Variants in PDCD6IP observed in about 807,000 individuals in gnomAD.
The protein encoded by PDCD6IP is programmed cell death 6-interacting protein.
In PDCD6IP, 43 loss-of-function variants were observed where a neutral mutation model predicts 103.7. The ratio of observed to expected loss-of-function variants is 0.41; its 90% CI spans 0.32 to 0.53. The LOEUF is 0.53. PDCD6IP is among the 20% of genes least tolerant of loss of function. PDCD6IP has a pLI of 0.16. For synonymous variants in PDCD6IP, 354 were observed against 378.7 expected, an observed-to-expected ratio of 0.93 and a Z score of 0.76; for missense variants, 871 against 1,036.7, an observed-to-expected ratio of 0.84 and a Z score of 2.20.
chr3:33,836,650 G>C (rs1697355585), intron 8 of PDCD6IP, among the ~76,000 whole-genome samples: 1 of 150,028 alleles, frequency 6.7e-6, no homozygotes, highest in Non-Finnish European at 1.5e-5. Context: ...GAGCTCAGGA[G>C]TTAGAGACCA....
intron 15 of PDCD6IP, among the ~76,000 whole-genome samples, chr3:33,857,053 A>G (rs1697845055): frequency 6.6e-6 from 1 of 152,032 alleles, no homozygotes; most frequent in Admixed American, 6.6e-5. Context: ...CTCTCTGCTC[A>G]TGTTCATGAG....
At chr3:33,862,089 T>A (rs1156648966) in intron 15 of PDCD6IP, among the ~76,000 whole-genome samples, 1 of 152,192 alleles carries the variant, frequency 6.6e-6, no homozygotes, top group Admixed American at 6.5e-5. Flanking sequence ...CAACCATCCC[T>A]AGAGTTTATC....
intron 1 of PDCD6IP, 88 bp from the exon 2 acceptor site, chr3:33,811,984 A>C: frequency 7.0e-7 from 1 of 1,433,954 alleles, no homozygotes; most frequent in Non-Finnish European, 9.2e-7. Flanking sequence ...AGCATGAATA[A>C]TTTTTGTATC....
At chr3:33,803,044 A>G (rs374034460) in intron 1 of PDCD6IP, among the ~76,000 whole-genome samples, 14 of 152,074 alleles carry the variant, frequency 9.2e-5, no homozygotes, top group African/African-American at 3.4e-4. Context: ...TTCACCTTTT[A>G]GTAAATTTTG....
At chr3:33,855,296 A>C (rs779884715) in intron 15 of PDCD6IP, 36 bp downstream of exon 15, 2 of 1,301,232 alleles carry the variant, frequency 1.5e-6, no homozygotes, top group Non-Finnish European at 2.2e-6. Context: ...GTACTTAAAG[A>C]ATTTTCTTTT....
intron 12 of PDCD6IP, among the ~76,000 whole-genome samples, chr3:33,850,419 C>T (rs1439570052): frequency 2.0e-5 from 3 of 152,076 alleles, no homozygotes; most frequent in Admixed American, 6.5e-5. Context: ...AGAGAAGCCT[C>T]ATTCCTTTTC....
chr3:33,836,307 C>T, intron 8 of PDCD6IP, 41 bp downstream of exon 8: 6 of 1,130,094 alleles, frequency 5.3e-6, no homozygotes, highest in Non-Finnish European at 8.0e-6. Context: ...TCATTTTTCT[C>T]TAGTTTACTC....
chr3:33,837,052 C>G (rs1697365271), intron 8 of PDCD6IP, among the ~76,000 whole-genome samples: 1 of 151,812 alleles, frequency 6.6e-6, no homozygotes, highest in African/African-American at 2.4e-5. Flanking sequence ...TCCCAAGTAG[C>G]TGGGACTACA....
chr3:33,844,323 C>G (rs535398184), intron 11 of PDCD6IP, 100 bp downstream of exon 11: 3 of 587,280 alleles, frequency 5.1e-6, no homozygotes, highest in Admixed American at 3.4e-5. Context: ...TCATTTTTAC[C>G]GAAACTGTTT....
rs1417919468 is a variant in PDCD6IP, at chr3:33,864,041, C to A, written c.2156C>A (p.Ala719Asp). 2 of 1,613,890 alleles carry A rather than the reference C, an allele frequency of 1.2e-6. No individual in the cohort carries two copies. Among genetic ancestry groups the A allele is most frequent in the Non-Finnish European group, 1.7e-6 (2 of 1,179,852 alleles). The change falls in exon 16 of 18, where the codon GCT (alanine) becomes GAT (aspartate). Residue 719 changes from alanine to aspartate, a missense_variant. Physicochemically the swap from Ala to Asp is moderately radical, Grantham distance 126 (BLOSUM62 -2). Around this residue, in one of 5 missense-constraint regions of PDCD6IP, gnomAD observed 202 missense variants for 205.2 expected, o/e 0.98. Transcript: ENST00000307296. ...CAAAGCATTGCCAGAGAACCTAGTG[C>A]TCCTTCAATTCCTACACCTGCGTAT... ...LQQSIAREPSAPSIPTPAYQS... is the reference protein window; with the variant it reads ...LQQSIAREPSDPSIPTPAYQS...
chr3:33,805,136 C>T (rs1038760311), intron 1 of PDCD6IP, among the ~76,000 whole-genome samples: 11 of 151,930 alleles, frequency 7.2e-5, no homozygotes, highest in Non-Finnish European at 1.6e-4. Context: ...GCGGGTGGAT[C>T]ACGAGGTCAG....
At chr3:33,829,686 C>CT (rs1309441798) in intron 7 of PDCD6IP, among the ~76,000 whole-genome samples, 6 of 152,076 alleles carry the variant, frequency 3.9e-5, no homozygotes, top group African/African-American at 1.4e-4. Flanking sequence ...AGAAAGATGA[C>CT]TTATGGCATT....
intron 8 of PDCD6IP, among the ~76,000 whole-genome samples, chr3:33,836,784 A>G (rs1697358918): frequency 6.6e-6 from 1 of 151,778 alleles, no homozygotes; most frequent in Admixed American, 6.6e-5. Context: ...GCTTGAGCCC[A>G]GGAGGTGGAG....
intron 15 of PDCD6IP, among the ~76,000 whole-genome samples, chr3:33,856,996 C>CTGTTCATATTCATGAACAGAGAATGAACA (rs1559797032): frequency 3.3e-5 from 5 of 152,082 alleles, no homozygotes; most frequent in African/African-American, 4.8e-5. Context: ...ATTCATCTCT[C>CTGTTCATATTCATGAACAGAGAATGAACA]TGTTCATATT....
At chr3:33,854,455 AAT>A (rs1400357863) in intron 14 of PDCD6IP, among the ~76,000 whole-genome samples, 1 of 152,188 alleles carries the variant, frequency 6.6e-6, no homozygotes, top group Non-Finnish European at 1.5e-5. Flanking sequence ...AGGCTTACTG[AAT>A]ATGTAAGTAC....
chr3:33,865,375 GCTC>G lies in PDCD6IP; in HGVS notation c.2385_2387del (p.Pro796del). The G allele has an allele frequency of 3.1e-6, 5 of 1,600,694 alleles. No individual in the cohort carries two copies. The highest frequency in any genetic ancestry group is 4.3e-6 in the Non-Finnish European group (5 of 1,174,200). ...AGCTCCATCACAAACGCCTGGCTCA[GCTC>G]CTCCTCCACAGGCGCAGGGACCACC... On this transcript the variant is annotated inframe_deletion, in exon 17 of 18. Coordinates refer to ENST00000307296, the MANE Select transcript of PDCD6IP (RefSeq NM_013374.6).
chr3:33,812,041 T>C (rs748967965), intron 1 of PDCD6IP, 31 bp from the exon 2 acceptor site: 1 of 1,574,066 alleles, frequency 6.4e-7, no homozygotes, highest in South Asian at 1.2e-5. Context: ...TATTTAGCTC[T>C]GGTAATTATT....
chr3:33,819,517 G>A (rs1696940272), intron 3 of PDCD6IP, among the ~76,000 whole-genome samples: 1 of 152,208 alleles, frequency 6.6e-6, no homozygotes, highest in South Asian at 2.1e-4. Context: ...GTAGGTTAGA[G>A]TAGCTGGTGT....
At chr3:33,811,139 C>A in intron 1 of PDCD6IP, 1 of 420,734 alleles carries the variant, frequency 2.4e-6, no homozygotes, top group Non-Finnish European at 4.8e-6. Context: ...CCTGCCTCAG[C>A]CTCCCAGAGT....
Sources: gnomAD v4.1 joint callset for allele counts (sites outside exome capture counted in the v4.1 genomes callset) on GRCh38, gnomAD v4.1.1 for gene constraint, gnomAD v4.1.1 regional missense constraint, MANE v1.5 for transcripts, NCBI Gene and HGNC (gene_info 2026-07-23, HGNC 2026-07-21) for gene names.